Variants in MSRA observed in about 807,000 individuals in gnomAD.
MSRA encodes methionine sulfoxide reductase A, also known as mitochondrial peptide methionine sulfoxide reductase.
A neutral mutation model predicts 31.3 loss-of-function variants in MSRA; 54 were observed. That is an observed-to-expected ratio of 1.73 (90% CI 1.39 to 2.17). The LOEUF is 2.17. Among genes scored for constraint, MSRA ranks in the 30% most tolerant of loss-of-function variants. The probability of loss-of-function intolerance (pLI) is 0.00; values close to 1 mark genes in which losing one functional copy is unlikely to be tolerated. For missense variants in MSRA, 507 were observed against 300.9 expected (o/e 1.69, Z -5.07); for synonymous variants, 169 against 116.5 (o/e 1.45, Z -2.90).
chr8:10,302,414 C>G (rs1800896603), intron 4 of MSRA, among the ~76,000 whole-genome samples: 1 of 152,180 alleles, frequency 6.6e-6, no homozygotes, highest in Admixed American at 6.5e-5. Flanking sequence ...TTTCACAAAC[C>G]CTCTTCATTT....
At chr8:10,137,684 C>T (rs1354787885) in intron 1 of MSRA, among the ~76,000 whole-genome samples, 2 of 152,066 alleles carry the variant, frequency 1.3e-5, no homozygotes, top group Non-Finnish European at 2.9e-5. Context: ...TGATTTGGGA[C>T]CTTGTGCACA....
At chr8:10,078,191 G>C (rs1194808846) in intron 1 of MSRA, among the ~76,000 whole-genome samples, 3 of 152,208 alleles carry the variant, frequency 2.0e-5, no homozygotes, top group African/African-American at 7.2e-5. Flanking sequence ...TGTCTCTGCA[G>C]TTCTGAAATT....
rs770024163 is a variant in MSRA at position 10,301,655 on chromosome 8, G to A, written c.436+17G>A. ...CGACCCAAGGTAGAGTGATGAGTGAGCCAGTATTTAATTATCTTACTAATT... is the reference window on the plus strand; with the variant it reads ...CGACCCAAGGTAGAGTGATGAGTGAACCAGTATTTAATTATCTTACTAATT... On this transcript the variant is annotated intron_variant, in intron 4 of 5. Transcript: ENST00000317173. 1 of 1,585,886 alleles carries A rather than the reference G, an allele frequency of 6.3e-7. No homozygotes were observed. The highest frequency in any genetic ancestry group is 1.1e-5 in the South Asian group (1 of 89,288).
chr8:10,311,685 G>A (rs886102772), intron 4 of MSRA, among the ~76,000 whole-genome samples: 1 of 152,166 alleles, frequency 6.6e-6, no homozygotes, highest in South Asian at 2.1e-4. Flanking sequence ...GGCCAAGGAG[G>A]GAGGATCACT....
chr8:10,191,036 A>G (rs1439274538), intron 1 of MSRA, among the ~76,000 whole-genome samples: 1 of 152,216 alleles, frequency 6.6e-6, no homozygotes, highest in Non-Finnish European at 1.5e-5. Flanking sequence ...ATGAGACACT[A>G]TAAGCATAGC....
chr8:10,218,227 A>G (rs1040885725), intron 2 of MSRA, among the ~76,000 whole-genome samples: 1 of 151,508 alleles, frequency 6.6e-6, no homozygotes, highest in Non-Finnish European at 1.5e-5. Flanking sequence ...GCTCACTGCA[A>G]CCTCTGCCTC....
At chr8:10,176,035 C>T (rs1806018798) in intron 1 of MSRA, among the ~76,000 whole-genome samples, 1 of 152,136 alleles carries the variant, frequency 6.6e-6, no homozygotes, top group South Asian at 2.1e-4. Context: ...TGGAAGGGCC[C>T]AAGTTGAATG....
intron 2 of MSRA, among the ~76,000 whole-genome samples, chr8:10,241,777 A>G (rs912300952): frequency 6.6e-6 from 1 of 152,212 alleles, no homozygotes; most frequent in Non-Finnish European, 1.5e-5. Context: ...CAGAGGATCA[A>G]GTCTGAGTCT....
Position 10,245,107 on chromosome 8 carries a change from T to C in MSRA, c.215T>C (p.Met72Thr), listed in dbSNP as rs1233101097. Residue 72 changes from methionine to threonine, a missense_variant, in exon 3 of 6, where the codon ATG becomes ACG. By Grantham distance (81) the Met-to-Thr change is moderately conservative. Coordinates refer to ENST00000317173, the MANE Select transcript of MSRA (RefSeq NM_012331.5). ...PEGTQMAVFGMGCFWGAERKF... is the reference protein window; with the variant it reads ...PEGTQMAVFGTGCFWGAERKF... ...TTTTTCTTTTTTCTTTTTTAAGGAA[T>C]GGGATGTTTCTGGGGAGCTGAAAGG... is the stretch of plus-strand genomic sequence containing the variant. 3 of 1,611,628 alleles carry C rather than the reference T, an allele frequency of 1.9e-6. No homozygotes were observed. The highest frequency in any genetic ancestry group is 2.5e-6 in the Non-Finnish European group (3 of 1,179,238).
At chr8:10,171,784 ATCAGT>A in intron 1 of MSRA, among the ~76,000 whole-genome samples, 1 of 152,376 alleles carries the variant, frequency 6.6e-6, no homozygotes, top group Non-Finnish European at 1.5e-5. Flanking sequence ...TGTACAAAGT[ATCAGT>A]CATTGTAATA....
intron 1 of MSRA, among the ~76,000 whole-genome samples, chr8:10,156,052 G>A (rs2129039533): frequency 6.6e-6 from 1 of 152,230 alleles, no homozygotes; most frequent in Middle Eastern, 3.4e-3. Context: ...ATGTGATGCG[G>A]TAGGAGGATA....
At chr8:10,398,612 C>T (rs1807250271) in intron 5 of MSRA, among the ~76,000 whole-genome samples, 1 of 152,190 alleles carries the variant, frequency 6.6e-6, no homozygotes, top group African/African-American at 2.4e-5. Flanking sequence ...TGCCTGCTGC[C>T]AGCAATTCTA....
At chr8:10,204,120 T>C (rs144374731) in intron 1 of MSRA, among the ~76,000 whole-genome samples, 2 of 152,138 alleles carry the variant, frequency 1.3e-5, no homozygotes, top group East Asian at 3.9e-4. Context: ...TATAAAAATA[T>C]TTTCATATAA....
chr8:10,267,452 A>G (rs1798805433), intron 3 of MSRA, among the ~76,000 whole-genome samples: 1 of 152,012 alleles, frequency 6.6e-6, no homozygotes, highest in Non-Finnish European at 1.5e-5. Context: ...TCTTGTCCTT[A>G]TAATTATTCC....
intron 1 of MSRA, among the ~76,000 whole-genome samples, chr8:10,187,177 C>T (rs551107586): frequency 4.9e-4 from 74 of 152,248 alleles, no homozygotes; most frequent in African/African-American, 1.7e-3. Flanking sequence ...TACGACCAGC[C>T]GCTGATTGAG....
chr8:10,081,735 C>T (rs1432171452), intron 1 of MSRA, among the ~76,000 whole-genome samples: 1 of 152,168 alleles, frequency 6.6e-6, no homozygotes, highest in Non-Finnish European at 1.5e-5. Context: ...GGTGATCTGC[C>T]TGCCTCGGCC....
At chr8:10,386,656 A>C (rs1806410543) in intron 5 of MSRA, among the ~76,000 whole-genome samples, 1 of 152,060 alleles carries the variant, frequency 6.6e-6, no homozygotes. Flanking sequence ...GCGGTCCCAA[A>C]ATAGGCATGT....
At chr8:10,075,176 A>G (rs1051682478) in intron 1 of MSRA, among the ~76,000 whole-genome samples, 9 of 152,182 alleles carry the variant, frequency 5.9e-5, no homozygotes, top group Non-Finnish European at 1.2e-4. Flanking sequence ...TGCAAATTTA[A>G]TGAGAGCTTA....
intron 1 of MSRA, among the ~76,000 whole-genome samples, chr8:10,119,679 A>G (rs1375864815): frequency 6.6e-6 from 1 of 152,208 alleles, no homozygotes; most frequent in Non-Finnish European, 1.5e-5. Flanking sequence ...ATTGGAGAGC[A>G]CCAGGTTGTC....
Sources: allele counts gnomAD v4.1 joint callset (sites outside exome capture counted in the v4.1 genomes callset), GRCh38; gene constraint gnomAD v4.1.1; transcripts MANE v1.5; gene names NCBI Gene and HGNC (gene_info 2026-07-23, HGNC 2026-07-21).